ACSM6: variants seen among roughly 807,000 people sequenced by gnomAD.
ACSM6 encodes the protein acyl-CoA synthetase medium chain family member 6, also known as acyl-coenzyme A synthetase ACSM6, mitochondrial.
In ACSM6, 35 loss-of-function variants were observed where a neutral mutation model predicts 51.1. The ratio of observed to expected loss-of-function variants is 0.69; its 90% CI spans 0.52 to 0.91. The LOEUF is 0.91. ACSM6 is among the 40% of genes least tolerant of loss of function. ACSM6 has a pLI of 0.00. For missense variants in ACSM6, 509 were observed against 584.1 expected, an observed-to-expected ratio of 0.87 and a Z score of 1.32; for synonymous variants, 172 against 207.3, an observed-to-expected ratio of 0.83 and a Z score of 1.46.
intron 3 of ACSM6, among the ~76,000 whole-genome samples, chr10:95,203,041 C>A (rs557192647): frequency 6.6e-6 from 1 of 151,982 alleles, no homozygotes; most frequent in South Asian, 2.1e-4. Flanking sequence ...GCAGGAGATG[C>A]GCAGAGGGCA....
chr10:95,219,166 C>G (rs2034970815), intron 8 of ACSM6, among the ~76,000 whole-genome samples: 1 of 152,134 alleles, frequency 6.6e-6, no homozygotes, highest in Admixed American at 6.5e-5. Flanking sequence ...TGCATGTATG[C>G]TGAAGTATTT....
chr10:95,212,830 T>G, intron 6 of ACSM6, 28 bp from the exon 7 acceptor site: 2 of 1,552,972 alleles, frequency 1.3e-6, no homozygotes, highest in Non-Finnish European at 8.9e-7. Flanking sequence ...CACATGCAGA[T>G]TTTGTTTTTC....
At chr10:95,220,819 A>T (rs185024024) in intron 9 of ACSM6, among the ~76,000 whole-genome samples, 39 of 152,206 alleles carry the variant, frequency 2.6e-4, no homozygotes, top group Non-Finnish European at 2.4e-4. Flanking sequence ...TCCAGTAATC[A>T]TGAATAGGTA....
chr10:95,214,383 TTC>T (rs2034923153), intron 7 of ACSM6, among the ~76,000 whole-genome samples: 1 of 106,840 alleles, frequency 9.4e-6, no homozygotes, highest in African/African-American at 3.5e-5. Flanking sequence ...CTCACTACTA[TTC>T]TATTGTTGGG....
At chr10:95,207,157 A>C (rs886348644) in intron 3 of ACSM6, 51 bp from the exon 4 acceptor site, 146 of 1,576,682 alleles carry the variant, frequency 9.3e-5, no homozygotes, top group South Asian at 7.4e-4. Context: ...TTGAGGAAAA[A>C]TTCTCTACTC....
At chr10:95,227,790 G>A (rs1012526180) in intron 10 of ACSM6, among the ~76,000 whole-genome samples, 2 of 152,206 alleles carry the variant, frequency 1.3e-5, no homozygotes, top group East Asian at 1.9e-4. Context: ...GAATCTGGCC[G>A]GGCGCGGTGG....
chr10:95,202,920 C>G (rs2034808542), intron 3 of ACSM6, among the ~76,000 whole-genome samples: 1 of 123,942 alleles, frequency 8.1e-6, no homozygotes, highest in East Asian at 2.2e-4. Context: ...GCCTGGGTGA[C>G]AGAGCAAGGC....
chr10:95,219,735 C>A (rs1329104254), intron 8 of ACSM6, among the ~76,000 whole-genome samples, 156 bp from the exon 9 acceptor site: 1 of 152,012 alleles, frequency 6.6e-6, no homozygotes, highest in Non-Finnish European at 1.5e-5. Context: ...TTAATTTAGT[C>A]ACACTCCTGC....
chr10:95,228,615 GT>G, intron 10 of ACSM6, 28 bp from the exon 11 acceptor site: 3 of 1,545,420 alleles, frequency 1.9e-6, no homozygotes, highest in Non-Finnish European at 2.6e-6. Flanking sequence ...GGAAGTAAAT[GT>G]AGGTTTCTGG....
chr10:95,204,830 A>C (rs904369671), intron 3 of ACSM6, among the ~76,000 whole-genome samples: 1 of 152,234 alleles, frequency 6.6e-6, no homozygotes, highest in Non-Finnish European at 1.5e-5. Flanking sequence ...AAAGGAAAAA[A>C]AAGATGTACT....
intron 2 of ACSM6, among the ~76,000 whole-genome samples, chr10:95,196,570 ATTTCT>A (rs567460413): frequency 3.3e-4 from 50 of 152,350 alleles, no homozygotes; most frequent in African/African-American, 1.1e-3. Flanking sequence ...TTTCATATAT[ATTTCT>A]TTTCTACTGA....
chr10:95,200,487 TGAAGAA>T (rs1164887209), intron 2 of ACSM6, among the ~76,000 whole-genome samples: 1 of 136,956 alleles, frequency 7.3e-6, no homozygotes, highest in Non-Finnish European at 1.6e-5. Context: ...CCCTAAAACT[TGAAGAA>T]GAAGAAAAGA....
chr10:95,201,203 T>C lies in ACSM6; in HGVS notation c.193-782T>C, dbSNP rs1235486137. Among the ~76,000 whole-genome samples the C allele has an allele frequency of 9.9e-5, 15 of 152,198 alleles. 1 individual carries two copies. Among genetic ancestry groups the C allele is most frequent in the Admixed American group, 9.2e-4 (14 of 15,282 alleles). ...AAAAAATTTAGACTCAGGAGGTGCA[T>C]GTGCAGGTTTGTTGCATGTATAGAT... On this transcript the variant is annotated intron_variant, in intron 2 of 10. Coordinates refer to ENST00000341686, the Ensembl canonical transcript of ACSM6.
intron 2 of ACSM6, among the ~76,000 whole-genome samples, chr10:95,197,862 C>A (rs1037943859): frequency 6.6e-6 from 1 of 152,236 alleles, no homozygotes; most frequent in Non-Finnish European, 1.5e-5. Flanking sequence ...TTGGACGATA[C>A]CCAGCTTTCA....
At chr10:95,204,755 T>C (rs1052480935) in intron 3 of ACSM6, among the ~76,000 whole-genome samples, 1 of 152,022 alleles carries the variant, frequency 6.6e-6, no homozygotes, top group Admixed American at 6.6e-5. Context: ...ATTAGAAGAA[T>C]ATATAGGTGA....
intron 2 of ACSM6, chr10:95,201,396 A>C (rs1028864031): frequency 2.7e-5 from 12 of 438,160 alleles, no homozygotes; most frequent in Non-Finnish European, 5.0e-5. Context: ...TTATAAGTGA[A>C]AACAGGCAGT....
At chr10:95,194,389 T>C (rs1396157628) in intron 1 of ACSM6, 76 bp from the exon 2 acceptor site, 21 of 1,165,992 alleles carry the variant, frequency 1.8e-5, no homozygotes, top group Non-Finnish European at 2.5e-5. Flanking sequence ...TATGGATTCA[T>C]TCTCAGCACT....
chr10:95,213,329 G>T (rs1057258079), intron 7 of ACSM6, among the ~76,000 whole-genome samples: 1 of 152,000 alleles, frequency 6.6e-6, no homozygotes, highest in Non-Finnish European at 1.5e-5. Context: ...CAGAGCAAAC[G>T]GGAAATGAGT....
At chr10:95,202,415 A>G (rs909771449) in intron 3 of ACSM6, among the ~76,000 whole-genome samples, 11 of 152,196 alleles carry the variant, frequency 7.2e-5, no homozygotes, top group African/African-American at 2.4e-4. Flanking sequence ...TCTATTAAAT[A>G]TGGACAGTAA....
Sources: allele counts gnomAD v4.1 joint callset (sites outside exome capture counted in the v4.1 genomes callset), GRCh38; gene constraint gnomAD v4.1.1; transcripts MANE v1.5; gene names NCBI Gene and HGNC (gene_info 2026-07-23, HGNC 2026-07-21).